Variants in ZNF106 observed in about 807,000 individuals in gnomAD.
The protein encoded by ZNF106 is zinc finger protein 106, also known as SH3-domain binding protein 3.
ZNF106 carries 67 observed loss-of-function variants against 195.1 expected under a neutral mutation model. The observed-to-expected ratio is 0.34, with a 90% CI of 0.28 to 0.42. The LOEUF is 0.42. Among genes scored for constraint, ZNF106 ranks in the 10% least tolerant of loss-of-function variants. The pLI is 1.00. For missense variants in ZNF106, 2,118 were observed against 2,304.5 expected (o/e 0.92, Z 1.66); for synonymous variants, 784 against 818.6 (o/e 0.96, Z 0.72).
chr15:42,433,860 C>CT (rs2055163596), intron 14 of ZNF106, among the ~76,000 whole-genome samples: 2 of 151,608 alleles, frequency 1.3e-5, no homozygotes, highest in African/African-American at 4.9e-5. Context: ...AATTTTTATG[C>CT]TTTTTTGAGG....
rs1566995805 is a variant in ZNF106 at position 42,423,963 on chromosome 15, TCACAGTTTCTTTACACAACACCAA to T, written c.5253+11_5253+34del. On this transcript the variant is annotated intron_variant, in intron 17 of 21. Transcript: ENST00000564754. ...CATCAAGCTTTAACCATTATTTTATTCACAGTTTCTTTACACAACACCAACACAGCTTACGTGAATGTTGTGAGC... is the reference window on the plus strand; with the variant it reads ...CATCAAGCTTTAACCATTATTTTATTCACAGCTTACGTGAATGTTGTGAGC... 2 of 1,569,870 alleles carry T rather than the reference TCACAGTTTCTTTACACAACACCAA, an allele frequency of 1.3e-6. No individual in the cohort carries two copies. Among genetic ancestry groups the T allele is most frequent in the Non-Finnish European group, 1.7e-6 (2 of 1,159,424 alleles).
At chr15:42,465,919 A>T in intron 3 of ZNF106, 134 bp downstream of exon 3, 1 of 624,826 alleles carries the variant, frequency 1.6e-6, no homozygotes, top group Non-Finnish European at 2.5e-6. Flanking sequence ...ACTTGGTATT[A>T]ATTCTAAAAG....
Position 42,417,812 on chromosome 15 carries a change from G to T in ZNF106, c.5657C>A (p.Ser1886Tyr). 1.2e-6 allele frequency: 2 copies of T among 1,613,428 alleles called. No individual in the cohort carries two copies. Among genetic ancestry groups the T allele is most frequent in the Non-Finnish European group, 1.7e-6 (2 of 1,179,648 alleles). ...CDAFFTARKG[S>Y]KQDAAGHIER... The stretch of plus-strand genomic sequence containing the variant: ...CAAGTCCCACTAATGTACCTGTTTG[G>T]ATCCTTTCCTAGCAGTGAAAAAAGC... The change falls in exon 21 of 22, where the codon TCC (serine) becomes TAC (tyrosine). Residue 1886 changes from serine to tyrosine, a missense_variant. Coordinates refer to ENST00000564754, the MANE Select transcript of ZNF106 (RefSeq NM_001366845.3).
chr15:42,442,264 G>A lies in ZNF106; in HGVS notation c.3572C>T (p.Ser1191Phe). 1 of 1,614,188 alleles carries A rather than the reference G, an allele frequency of 6.2e-7. No individual in the cohort carries two copies. Among genetic ancestry groups the A allele is most frequent in the South Asian group, 1.1e-5 (1 of 91,084 alleles). Residue 1191 changes from serine to phenylalanine, a missense_variant, in exon 10 of 22, where the codon TCT becomes TTT. Physicochemically the swap from Ser to Phe is radical, Grantham distance 155. Transcript: ENST00000564754. ...LFLEPPSSHV[S>F]PSPTGASLQI... is the part of the protein sequence containing the mutation. Reference sequence around the variant, plus strand: ...AAGAGAGGCTCCGGTGGGTGATGGAGACACATGGGAAGATGGAGGCTCCAG... The same window carrying A: ...AAGAGAGGCTCCGGTGGGTGATGGAAACACATGGGAAGATGGAGGCTCCAG...
chr15:42,426,397 T>TAA (rs869047270), intron 15 of ZNF106, among the ~76,000 whole-genome samples: 1 of 137,640 alleles, frequency 7.3e-6, no homozygotes, highest in Non-Finnish European at 1.6e-5. Context: ...GTCTACTACT[T>TAA]AAAAAAAAAA....
chr15:42,437,164 T>C (rs2055310445), intron 13 of ZNF106, 68 bp downstream of exon 13: 18 of 1,526,062 alleles, frequency 1.2e-5, no homozygotes, highest in Non-Finnish European at 1.6e-5. Flanking sequence ...CTTTATTGTT[T>C]AAAAAAGTAT....
intron 3 of ZNF106, 94 bp from the exon 4 acceptor site, chr15:42,457,252 C>G: frequency 6.4e-7 from 1 of 1,564,312 alleles, no homozygotes; most frequent in Non-Finnish European, 8.6e-7. Flanking sequence ...GGACACTGCA[C>G]ACTTTGGCAC....
At chr15:42,465,224 C>T (rs905018766) in intron 3 of ZNF106, among the ~76,000 whole-genome samples, 1 of 150,052 alleles carries the variant, frequency 6.7e-6, no homozygotes, top group Non-Finnish European at 1.5e-5. Flanking sequence ...TTAAAGGTGT[C>T]CACTTATTAG....
At chr15:42,484,399 TA>T (rs1210320376) in intron 1 of ZNF106, among the ~76,000 whole-genome samples, 3 of 152,166 alleles carry the variant, frequency 2.0e-5, no homozygotes, top group Non-Finnish European at 4.4e-5. Flanking sequence ...ATTAGAAGAA[TA>T]AAACTATAAA....
rs184791982 is a variant in ZNF106, at chr15:42,474,053, G to T, written c.-32-1732C>A. The stretch of plus-strand genomic sequence containing the variant: ...GCAGGACCAACTGACAGCCAGAAGC[G>T]TGAGCCATCTTGGGGGCTCCAGGTC... On this transcript the variant is annotated intron_variant, in intron 1 of 21. Coordinates refer to ENST00000564754, the MANE Select transcript of ZNF106 (RefSeq NM_001366845.3). Among the ~76,000 whole-genome samples the T allele has an allele frequency of 3.3e-4, 51 of 152,256 alleles. 1 individual carries two copies. The highest frequency in any genetic ancestry group is 1.2e-3 in the African/African-American group (49 of 41,552).
At chr15:42,458,643 G>A (rs752616052) in intron 3 of ZNF106, among the ~76,000 whole-genome samples, 1 of 151,644 alleles carries the variant, frequency 6.6e-6, no homozygotes, top group South Asian at 2.1e-4. Context: ...AGGAGGCAAA[G>A]GTTGCAATGA....
chr15:42,428,276 AG>A, intron 14 of ZNF106, 142 bp from the exon 15 acceptor site: 1 of 600,726 alleles, frequency 1.7e-6, no homozygotes, highest in Non-Finnish European at 2.9e-6. Context: ...GGACTATCTT[AG>A]ATCTGTTTCT....
At position 42,450,248 on chromosome 15, in the gene ZNF106, G is replaced by T. The variant is rs758710873; in HGVS notation, c.2024C>A (p.Ser675Tyr). The change falls in exon 5 of 22, where the codon TCT becomes TAT. Residue 675 changes from serine (S) to tyrosine (Y), a missense_variant. Coordinates refer to ENST00000564754, the MANE Select transcript of ZNF106 (RefSeq NM_001366845.3). ...GGCTGCAGATGTCATTTGTAATTCAGATTCTTTCTGGCGAACTATGGGATT... is the reference window on the plus strand; with the variant it reads ...GGCTGCAGATGTCATTTGTAATTCATATTCTTTCTGGCGAACTATGGGATT... ...PCNPIVRQKE[S>Y]ELQMTSAASP... The T allele has an allele frequency of 1.2e-6, 2 of 1,614,070 alleles. No individual in the cohort carries two copies. The highest frequency in any genetic ancestry group is 1.7e-6 in the Non-Finnish European group (2 of 1,180,028).
At chr15:42,479,559 C>T (rs894471858) in intron 1 of ZNF106, among the ~76,000 whole-genome samples, 10 of 151,602 alleles carry the variant, frequency 6.6e-5, no homozygotes, top group African/African-American at 2.2e-4. Flanking sequence ...GACAGGGTCT[C>T]GGCCAGGCAC....
chr15:42,434,796 G>A (rs1290194165), intron 14 of ZNF106, among the ~76,000 whole-genome samples: 5 of 144,204 alleles, frequency 3.5e-5, no homozygotes, highest in Admixed American at 1.4e-4. Context: ...TTCCTGAGAC[G>A]GAGCTTCGCT....
intron 17 of ZNF106, 25 bp from the exon 18 acceptor site, chr15:42,422,645 C>T: frequency 6.3e-7 from 1 of 1,579,620 alleles, no homozygotes; most frequent in East Asian, 2.3e-5. Context: ...AAGTAAGAGT[C>T]ACCAGACTGA....
Position 42,421,044 on chromosome 15 carries a change from A to G in ZNF106, c.5517+17T>C, listed in dbSNP as rs769170674. The G allele has an allele frequency of 3.1e-6, 5 of 1,613,272 alleles. No homozygotes were observed. In the East Asian group the frequency reaches 1.1e-4, roughly 36 times the overall value. On this transcript the variant is annotated intron_variant, in intron 20 of 21. Coordinates refer to ENST00000564754, the MANE Select transcript of ZNF106 (RefSeq NM_001366845.3). ...AACCTATAGAAGTCCAGTGACAGGA[A>G]GAGTTTCACTCCTTACCCAACAGCG...
Position 42,424,843 on chromosome 15 carries a change from A to G in ZNF106, c.5181T>C (p.Leu1727=), listed in dbSNP as rs372040594. 2 of 1,613,838 alleles carry G rather than the reference A, an allele frequency of 1.2e-6. No individual in the cohort carries two copies. Among genetic ancestry groups the G allele is most frequent in the Non-Finnish European group, 1.7e-6 (2 of 1,179,946 alleles). ...RTLEGHSKTI[L]CMKVVNDLVF... is the part of the protein sequence containing the mutation. ...CTTGCACTGTACTTGCCTTCATGCA[A>G]AGAATGGTTTTGCTATGGCCCTCCA... is the stretch of plus-strand genomic sequence containing the variant. The change falls in exon 16 of 22, where the codon CTT becomes CTC. Residue 1727 remains leucine (L), a synonymous_variant. Coordinates refer to ENST00000564754, the MANE Select transcript of ZNF106 (RefSeq NM_001366845.3).
chr15:42,452,938 G>A (rs1173992631), intron 4 of ZNF106, among the ~76,000 whole-genome samples: 4 of 151,922 alleles, frequency 2.6e-5, no homozygotes, highest in African/African-American at 4.8e-5. Context: ...CACCCACCGC[G>A]GCCTCCCAAA....
Sources: gnomAD v4.1 joint callset for allele counts (sites outside exome capture counted in the v4.1 genomes callset) on GRCh38, gnomAD v4.1.1 for gene constraint, MANE v1.5 for transcripts, NCBI Gene and HGNC (gene_info 2026-07-23, HGNC 2026-07-21) for gene names.